Variants in ANKRD44 observed in about 807,000 individuals in gnomAD.
ANKRD44 encodes the protein serine/threonine-protein phosphatase 6 regulatory ankyrin repeat subunit B.
In ANKRD44, 35 loss-of-function variants were observed where a neutral mutation model predicts 116.0. That is an observed-to-expected ratio of 0.30 (90% confidence interval 0.23 to 0.40). The LOEUF is 0.40. ANKRD44 is among the 10% of genes least tolerant of loss of function. The pLI, the probability that ANKRD44 is intolerant of heterozygous loss-of-function variation, is 1.00. For synonymous variants in ANKRD44, 435 were observed against 461.8 expected (o/e 0.94, Z 0.74); for missense variants, 1,014 against 1,242.6 (o/e 0.82, Z 2.77).
chr2:196,998,916 C>T lies in ANKRD44; in HGVS notation c.2656G>A (p.Gly886Ser). ...TACAACAAGCACATACCCACAGCGC[C>T]TGCCTGCCCATTCTCAGCAGCCATC... ...LMMAAENGQA[G>S]AVDILVNSAQ... Residue 886 changes from glycine to serine, a missense_variant, in exon 24 of 28, where the codon GGC becomes AGC. Physicochemically the swap from Gly to Ser is moderately conservative, Grantham distance 56. Transcript: ENST00000282272. 1 of 1,614,182 alleles carries T rather than the reference C, an allele frequency of 6.2e-7. No individual in the cohort carries two copies. Among genetic ancestry groups the T allele is most frequent in the Non-Finnish European group, 8.5e-7 (1 of 1,180,030 alleles).
chr2:197,182,551 A>G (rs545398530), intron 2 of ANKRD44, among the ~76,000 whole-genome samples: 1 of 152,346 alleles, frequency 6.6e-6, no homozygotes, highest in South Asian at 2.1e-4. Context: ...CAAGGACTGG[A>G]CTAGGCGATT....
chr2:197,115,881 G>A (rs2078696064), intron 8 of ANKRD44, among the ~76,000 whole-genome samples: 1 of 152,058 alleles, frequency 6.6e-6, no homozygotes, highest in South Asian at 2.1e-4. Flanking sequence ...TTAGGAAATC[G>A]GAGGATACAG....
At chr2:197,230,073 G>A (rs2081821316) in intron 1 of ANKRD44, among the ~76,000 whole-genome samples, 1 of 151,888 alleles carries the variant, frequency 6.6e-6, no homozygotes, top group South Asian at 2.1e-4. Flanking sequence ...TTGGAAGGTG[G>A]GATAGAGGTG....
chr2:197,276,729 G>A (rs989797185), intron 1 of ANKRD44, among the ~76,000 whole-genome samples: 1 of 152,004 alleles, frequency 6.6e-6, no homozygotes, highest in Non-Finnish European at 1.5e-5. Flanking sequence ...TTCCATTTCA[G>A]GAAGAGGATG....
At chr2:197,074,466 T>C (rs778617775) in intron 16 of ANKRD44, among the ~76,000 whole-genome samples, 4 of 151,958 alleles carry the variant, frequency 2.6e-5, no homozygotes, top group Non-Finnish European at 5.9e-5. Context: ...ACATTGCCAA[T>C]GTAAGTCCAT....
chr2:197,205,641 G>T (rs1273236064), intron 1 of ANKRD44, among the ~76,000 whole-genome samples: 1 of 152,146 alleles, frequency 6.6e-6, no homozygotes, highest in Non-Finnish European at 1.5e-5. Context: ...CCGATGGTGG[G>T]CCAGGCAATG....
intron 1 of ANKRD44, among the ~76,000 whole-genome samples, chr2:197,205,020 C>T (rs1051520063): frequency 2.6e-5 from 4 of 152,238 alleles, no homozygotes; most frequent in African/African-American, 9.6e-5. Flanking sequence ...CCCTGATGTG[C>T]TCCAGCAAAG....
chr2:196,995,099 C>T (rs2075990261), intron 26 of ANKRD44: 1 of 226,730 alleles, frequency 4.4e-6, no homozygotes, highest in South Asian at 1.7e-4. Flanking sequence ...TCTAACAGCC[C>T]ACTAAATTTA....
At chr2:197,295,893 C>T (rs888996563) in intron 1 of ANKRD44, among the ~76,000 whole-genome samples, 14 of 151,996 alleles carry the variant, frequency 9.2e-5, no homozygotes, top group Admixed American at 7.9e-4. Flanking sequence ...AACCCTGTCC[C>T]TACAAAAAGT....
rs990917868 is a variant in ANKRD44 at position 197,206,663 on chromosome 2, C to T, written c.28-19557G>A. Among the ~76,000 whole-genome samples the T allele has an allele frequency of 3.3e-5, 5 of 152,234 alleles. No homozygotes were observed. In the South Asian group the frequency reaches 6.2e-4, roughly 19 times the overall value. On this transcript the variant is annotated intron_variant, in intron 1 of 27. Transcript: ENST00000282272. ...CTGGGAGGCAGAGATTGCAGTGAGC[C>T]GACATGGCGCCACTACACTCCAGCC...
At chr2:196,971,904 C>T (rs1479519285) in intron 21 of ANKRD44, among the ~76,000 whole-genome samples, 1 of 152,216 alleles carries the variant, frequency 6.6e-6, no homozygotes, top group Admixed American at 6.5e-5. Flanking sequence ...ATAGCCTACT[C>T]AGAGGTCCTG....
chr2:197,257,997 T>C lies in ANKRD44; in HGVS notation c.27+52581A>G, dbSNP rs528588299. 2.6e-5 allele frequency among the ~76,000 whole-genome samples: 4 copies of C among 152,372 alleles called. No individual in the cohort carries two copies. In the South Asian group the frequency reaches 6.2e-4, roughly 24 times the overall value. On this transcript the variant is annotated intron_variant, in intron 1 of 27. Transcript: ENST00000282272. ...AATGAAAATCATACAATAGTTGTTC[T>C]TGCATCTGGCTTATTTCACTTAGCA...
intron 17 of ANKRD44, chr2:197,015,908 T>C (rs2076383184): frequency 1.9e-6 from 1 of 526,882 alleles, no homozygotes; most frequent in Admixed American, 2.2e-5. Context: ...CAATCAAATT[T>C]TGGATCCATG....
intron 1 of ANKRD44, among the ~76,000 whole-genome samples, chr2:197,262,622 G>A (rs1013663911): frequency 5.9e-5 from 9 of 152,194 alleles, no homozygotes; most frequent in African/African-American, 2.2e-4. Flanking sequence ...AAGATTGACA[G>A]GTCAGGCATG....
intron 13 of ANKRD44, among the ~76,000 whole-genome samples, chr2:197,085,672 A>G (rs941012688): frequency 6.6e-6 from 1 of 150,688 alleles, no homozygotes; most frequent in African/African-American, 2.4e-5. Flanking sequence ...TGGTCTAAAA[A>G]GGGGAGGAAT....
chr2:197,053,797 A>T (rs1675925796), intron 16 of ANKRD44, among the ~76,000 whole-genome samples: 1 of 152,190 alleles, frequency 6.6e-6, no homozygotes, highest in South Asian at 2.1e-4. Flanking sequence ...GATCTCCTTT[A>T]AATATTGATA....
At chr2:197,276,695 G>A (rs2083096131) in intron 1 of ANKRD44, among the ~76,000 whole-genome samples, 1 of 151,942 alleles carries the variant, frequency 6.6e-6, no homozygotes, top group South Asian at 2.1e-4. Flanking sequence ...TAAATATTGT[G>A]TGTGAGTTCT....
intron 17 of ANKRD44, among the ~76,000 whole-genome samples, chr2:197,020,863 T>C (rs1203811698): frequency 1.4e-5 from 2 of 144,982 alleles, no homozygotes; most frequent in African/African-American, 2.9e-5. Context: ...GTTTGTTACA[T>C]ATGTAAATAT....
At chr2:197,263,885 T>C (rs1205897600) in intron 1 of ANKRD44, among the ~76,000 whole-genome samples, 1 of 152,132 alleles carries the variant, frequency 6.6e-6, no homozygotes, top group African/African-American at 2.4e-5. Flanking sequence ...GCCTGCCTTG[T>C]AGAAAATTAA....
Sources: gnomAD v4.1 joint callset for allele counts (sites outside exome capture counted in the v4.1 genomes callset) on GRCh38, gnomAD v4.1.1 for gene constraint, MANE v1.5 for transcripts, NCBI Gene and HGNC (gene_info 2026-07-23, HGNC 2026-07-21) for gene names.